The following NRG1 variants were observed in gnomAD, a reference collection of about 807,000 sequenced individuals.
NRG1 encodes neuregulin 1, also known as pro-neuregulin-1, membrane-bound isoform.
NRG1 carries 18 observed loss-of-function variants against 63.8 expected under a neutral mutation model. That is an observed-to-expected ratio of 0.28 (90% CI 0.19 to 0.42). The LOEUF (loss-of-function observed/expected upper bound fraction) is 0.42. Ranked by LOEUF, NRG1 falls within the 10% of genes least tolerant of loss-of-function variation. NRG1 has a pLI of 1.00. For missense variants in NRG1, 762 were observed against 814.7 expected, an observed-to-expected ratio of 0.94 and a Z score of 0.79; for synonymous variants, 302 against 301.3, an observed-to-expected ratio of 1.00 and a Z score of -0.02.
intron 1 of NRG1, among the ~76,000 whole-genome samples, chr8:32,179,368 A>G (rs1841185036): frequency 6.6e-6 from 1 of 152,064 alleles, no homozygotes; most frequent in South Asian, 2.1e-4. Flanking sequence ...GCCTAAGACA[A>G]TTTACCCCCA....
At chr8:32,114,913 T>C (rs1306715490) in intron 1 of NRG1, among the ~76,000 whole-genome samples, 1 of 152,074 alleles carries the variant, frequency 6.6e-6, no homozygotes, top group East Asian at 1.9e-4. Flanking sequence ...TTAACCAAAG[T>C]CAGGTGACAG....
intron 1 of NRG1, among the ~76,000 whole-genome samples, chr8:32,265,911 G>T (rs1049487763): frequency 2.0e-5 from 3 of 152,066 alleles, no homozygotes; most frequent in African/African-American, 7.2e-5. Context: ...TGTTATATTA[G>T]GTATTACAAG....
At chr8:32,312,138 T>C (rs1293033813) in intron 1 of NRG1, among the ~76,000 whole-genome samples, 2 of 149,320 alleles carry the variant, frequency 1.3e-5, no homozygotes, top group Non-Finnish European at 3.0e-5. Context: ...AGCCCTACAT[T>C]CATTATTTGA....
chr8:32,154,489 T>C (rs932755316), intron 1 of NRG1, among the ~76,000 whole-genome samples: 8 of 152,094 alleles, frequency 5.3e-5, no homozygotes, highest in Non-Finnish European at 1.0e-4. Flanking sequence ...TGTTCTCCAG[T>C]ACCTTCCTTT....
intron 5 of NRG1, among the ~76,000 whole-genome samples, chr8:32,718,411 C>G (rs1237898446): frequency 6.6e-6 from 1 of 152,058 alleles, no homozygotes; most frequent in Non-Finnish European, 1.5e-5. Context: ...ACACTGTTAT[C>G]CTCAAACCCT....
chr8:32,547,651 G>A (rs2129522824), upstream of NRG1, among the ~76,000 whole-genome samples: 2 of 151,958 alleles, frequency 1.3e-5, no homozygotes, highest in Middle Eastern at 6.8e-3. Flanking sequence ...CCCAGCAGGA[G>A]AGCGCAACCT....
At chr8:32,304,036 A>C (rs2129533) in intron 1 of NRG1, among the ~76,000 whole-genome samples, 45,234 of 152,192 alleles carry the variant, frequency 0.3, 7,781 homozygotes, top group South Asian at 0.46. Context: ...AAAAAAACTC[A>C]GAATATCAGG....
chr8:32,235,001 A>G (rs754643544), intron 1 of NRG1, among the ~76,000 whole-genome samples: 7 of 152,050 alleles, frequency 4.6e-5, no homozygotes, highest in Non-Finnish European at 8.8e-5. Flanking sequence ...GTAGGTTCTA[A>G]TTGAGTATTT....
At chr8:31,775,856 C>T (rs903992230) in intron 1 of NRG1, among the ~76,000 whole-genome samples, 1 of 125,190 alleles carries the variant, frequency 8.0e-6, no homozygotes, top group Non-Finnish European at 1.6e-5. Flanking sequence ...ACACTCCAGC[C>T]TGGGCGACAG....
At chr8:32,357,164 C>T (rs1806546461) in intron 1 of NRG1, among the ~76,000 whole-genome samples, 1 of 152,100 alleles carries the variant, frequency 6.6e-6, no homozygotes, top group Non-Finnish European at 1.5e-5. Flanking sequence ...CCCATACAGA[C>T]CTTCTGAACT....
chr8:32,666,309 C>T (rs184394803), intron 5 of NRG1, among the ~76,000 whole-genome samples: 8 of 152,262 alleles, frequency 5.3e-5, no homozygotes, highest in African/African-American at 1.4e-4. Context: ...TGTGCTTCAC[C>T]GCTTCAGACC....
At chr8:32,385,313 CCG>C (rs1432319323) in intron 1 of NRG1, among the ~76,000 whole-genome samples, 2 of 152,170 alleles carry the variant, frequency 1.3e-5, no homozygotes, top group African/African-American at 4.8e-5. Context: ...GCGTGAGCCA[CCG>C]CGCCTGGCTG....
At chr8:32,460,722 A>G (rs952764188) in intron 1 of NRG1, among the ~76,000 whole-genome samples, 1 of 152,248 alleles carries the variant, frequency 6.6e-6, no homozygotes, top group Non-Finnish European at 1.5e-5. Context: ...ACAACTTCCA[A>G]GAGCACAATA....
chr8:32,281,183 C>CATTTTTTTTTTTTTTT (rs1852779915), intron 1 of NRG1, among the ~76,000 whole-genome samples: 1 of 41,732 alleles, frequency 2.4e-5, no homozygotes, highest in Non-Finnish European at 4.3e-5. Flanking sequence ...GGTAGTTTTT[C>CATTTTTTTTTTTTTTT]CTTTTTTTTT....
intron 1 of NRG1, among the ~76,000 whole-genome samples, chr8:31,731,972 G>C (rs891372038): frequency 6.6e-6 from 1 of 152,180 alleles, no homozygotes; most frequent in Non-Finnish European, 1.5e-5. Context: ...ATCAACCAGC[G>C]AATGTTAGGT....
At chr8:32,443,448 T>G (rs778072527) in intron 1 of NRG1, among the ~76,000 whole-genome samples, 4 of 143,270 alleles carry the variant, frequency 2.8e-5, no homozygotes, top group Non-Finnish European at 4.4e-5. Flanking sequence ...GATTTTGACA[T>G]GCAAAAAGAT....
At chr8:32,338,643 C>T (rs1162222041) in intron 1 of NRG1, among the ~76,000 whole-genome samples, 2 of 151,994 alleles carry the variant, frequency 1.3e-5, no homozygotes, top group African/African-American at 4.8e-5. Flanking sequence ...GAGCCCCAAA[C>T]TTTTCAGTAA....
intron 1 of NRG1, among the ~76,000 whole-genome samples, chr8:32,474,517 G>T (rs536491535): frequency 2.7e-5 from 4 of 146,836 alleles, no homozygotes; most frequent in Non-Finnish European, 3.0e-5. Flanking sequence ...TTTTTTGGAC[G>T]GAGTCTCACT....
intron 1 of NRG1, among the ~76,000 whole-genome samples, chr8:31,997,954 T>C (rs1208018909): frequency 6.6e-6 from 1 of 152,034 alleles, no homozygotes; most frequent in Non-Finnish European, 1.5e-5. Context: ...GTCTCAAATC[T>C]GGACAGTCTA....
Sources: gnomAD v4.1 joint callset for allele counts (sites outside exome capture counted in the v4.1 genomes callset) on GRCh38, gnomAD v4.1.1 for gene constraint, MANE v1.5 for transcripts, NCBI Gene and HGNC (gene_info 2026-07-23, HGNC 2026-07-21) for gene names.